The following CPSF6 variants were observed in gnomAD, a reference collection of about 807,000 sequenced individuals.
CPSF6 encodes the protein cleavage and polyadenylation specific factor 6, also known as cleavage and polyadenylation specificity factor subunit 6.
In CPSF6, 10 loss-of-function variants were observed where a neutral mutation model predicts 56.7. The observed-to-expected ratio is 0.18, with a 90% CI of 0.11 to 0.30. The LOEUF is 0.30. Among genes scored for constraint, CPSF6 ranks in the 10% least tolerant of loss-of-function variants. The pLI is 1.00. For missense variants in CPSF6, 419 were observed against 722.9 expected (o/e 0.58, Z 4.82); for synonymous variants, 248 against 244.8 (o/e 1.01, Z -0.12).
chr12:69,257,677 A>G, intron 4 of CPSF6, 55 bp from the exon 5 acceptor site: 14 of 1,522,712 alleles, frequency 9.2e-6, no homozygotes, highest in Non-Finnish European at 1.2e-5. Context: ...TAGTGGTTAC[A>G]TTTCAGAAAA....
Position 69,273,946 on chromosome 12 carries a change from G to C in CPSF6, c.*4438G>C, listed in dbSNP as rs987206432. ...CCCTTAACAACAACAACAAAAAATTGTATCATTTTACCAATATCCACGAAT... is the reference window on the plus strand; with the variant it reads ...CCCTTAACAACAACAACAAAAAATTCTATCATTTTACCAATATCCACGAAT... On this transcript the variant is annotated 3_prime_UTR_variant, in exon 10 of 10. Coordinates refer to ENST00000435070, the MANE Select transcript of CPSF6 (RefSeq NM_007007.3). 1 of 151,788 alleles carries C rather than the reference G, an allele frequency of 6.6e-6. No homozygotes were observed. Among genetic ancestry groups the C allele is most frequent in the Non-Finnish European group, 1.5e-5 (1 of 67,832 alleles). The allele number at this position is 151,788 out of a possible 1,614,324, so 9.4% of individuals were successfully genotyped here.
Position 69,272,663 on chromosome 12 carries a change from A to G in CPSF6, c.*3155A>G, listed in dbSNP as rs1043850423. ...TTTATGTTCTAATTCTTGACTGAGA[A>G]TACAGTATTGAGATTCTCTGTTTTA... On this transcript the variant is annotated 3_prime_UTR_variant, in exon 10 of 10. Transcript: ENST00000435070. 4.6e-5 allele frequency: 7 copies of G among 151,824 alleles called. No individual in the cohort carries two copies. The East Asian group carries it at 1.3e-3, about 29-fold the overall frequency. The allele number at this position is 151,824 out of a possible 1,614,324, so 9.4% of individuals were successfully genotyped here.
At chr12:69,241,078 C>A (rs1871593579) in intron 1 of CPSF6, among the ~76,000 whole-genome samples, 1 of 152,086 alleles carries the variant, frequency 6.6e-6, no homozygotes, top group South Asian at 2.1e-4. Context: ...CTCAAGAGAT[C>A]TTTACTGTTT....
intron 1 of CPSF6, among the ~76,000 whole-genome samples, chr12:69,249,394 C>A (rs1311918163): frequency 3.4e-5 from 5 of 147,792 alleles, no homozygotes. Flanking sequence ...GCTCTGTTTA[C>A]CATCATATAA....
intron 4 of CPSF6, 62 bp from the exon 5 acceptor site, chr12:69,257,670 T>C: frequency 6.9e-7 from 1 of 1,459,080 alleles, no homozygotes; most frequent in Admixed American, 2.2e-5. Flanking sequence ...TTAATAATAG[T>C]GGTTACATTT....
In CPSF6 at chr12:69,254,414, G is replaced by A. The variant is rs529706352; in HGVS notation, c.374+1260G>A. 2.0e-5 allele frequency among the ~76,000 whole-genome samples: 3 copies of A among 152,206 alleles called. No homozygotes were observed. The East Asian group carries it at 5.8e-4, about 29-fold the overall frequency. Reference sequence around the variant, plus strand: ...ACTTTTCCCCCTCAAATATCCACATGGCTTACTCTTTGACTTCATTCAGGA... The same window carrying A: ...ACTTTTCCCCCTCAAATATCCACATAGCTTACTCTTTGACTTCATTCAGGA... On this transcript the variant is annotated intron_variant, in intron 3 of 9. Coordinates refer to ENST00000435070, the MANE Select transcript of CPSF6 (RefSeq NM_007007.3).
chr12:69,261,007 G>A (rs1381125285), intron 8 of CPSF6, among the ~76,000 whole-genome samples: 1 of 152,222 alleles, frequency 6.6e-6, no homozygotes, highest in African/African-American at 2.4e-5. Flanking sequence ...CTGAATGAAT[G>A]AATGATCTAT....
At chr12:69,263,237 T>G (rs1457783928) in intron 9 of CPSF6, among the ~76,000 whole-genome samples, 1 of 152,082 alleles carries the variant, frequency 6.6e-6, no homozygotes, top group Non-Finnish European at 1.5e-5. Context: ...CTAAAAATTT[T>G]AAATTGTGTC....
At chr12:69,268,847 A>G (rs1873115225) in intron 9 of CPSF6, among the ~76,000 whole-genome samples, 1 of 151,786 alleles carries the variant, frequency 6.6e-6, no homozygotes, top group African/African-American at 2.4e-5. Flanking sequence ...TTATAATACT[A>G]CGTTAGGTAT....
chr12:69,248,750 G>A (rs1872045767), intron 1 of CPSF6, among the ~76,000 whole-genome samples: 1 of 151,932 alleles, frequency 6.6e-6, no homozygotes, highest in South Asian at 2.1e-4. Flanking sequence ...ATTTAACCTT[G>A]AGATCCCAGA....
chr12:69,258,685 G>T lies in CPSF6; in HGVS notation c.790G>T (p.Ala264Ser), dbSNP rs748379854. ...PPGQVLPPPLAGPPNRGDRPP... is the reference protein window; with the variant it reads ...PPGQVLPPPLSGPPNRGDRPP... ...TGGTCAGGTTCTGCCTCCTCCTCTAGCTGGGCCTCCTAATCGAGGAGATCG... is the reference window on the plus strand; with the variant it reads ...TGGTCAGGTTCTGCCTCCTCCTCTATCTGGGCCTCCTAATCGAGGAGATCG... Residue 264 changes from alanine (A) to serine (S), a missense_variant, in exon 6 of 10, where the codon GCT becomes TCT. Physicochemically the swap from Ala to Ser is moderately conservative, Grantham distance 99. Around this residue, in one of 4 missense-constraint regions of CPSF6, gnomAD observed 211 missense variants for 296.0 expected, o/e 0.71. Coordinates refer to ENST00000435070, the MANE Select transcript of CPSF6 (RefSeq NM_007007.3). The surrounding 1 kb of genome is among the most constrained non-coding windows in gnomAD (Gnocchi z 4.2). 1 of 1,613,742 alleles carries T rather than the reference G, an allele frequency of 6.2e-7. No individual in the cohort carries two copies. The highest frequency in any genetic ancestry group is 2.2e-5 in the East Asian group (1 of 44,860).
At chr12:69,252,591 G>A (rs1872305103) in intron 2 of CPSF6, among the ~76,000 whole-genome samples, 1 of 152,128 alleles carries the variant, frequency 6.6e-6, no homozygotes, top group African/African-American at 2.4e-5. Flanking sequence ...TAATAATAGT[G>A]CTTATATGGT....
At chr12:69,257,411 T>G (rs1872556707) in intron 4 of CPSF6, among the ~76,000 whole-genome samples, 1 of 152,244 alleles carries the variant, frequency 6.6e-6, no homozygotes, top group African/African-American at 2.4e-5. Flanking sequence ...AGAAGTGTGT[T>G]ACAAAATTTA....
In CPSF6 at chr12:69,272,869, A is replaced by AGTGTGTGT. The variant is rs3051105; in HGVS notation, c.*3382_*3389dup. 0.031 allele frequency: 4,760 copies of AGTGTGTGT among 154,184 alleles called. 89 individuals are homozygous for AGTGTGTGT. Among genetic ancestry groups the AGTGTGTGT allele is most frequent in the Middle Eastern group, 0.075 (23 of 306 alleles). The allele number at this position is 154,184 out of a possible 1,614,324, so 9.6% of individuals were successfully genotyped here. A position where few individuals can be genotyped will look rare whatever the true frequency, so the allele number is the denominator to read the frequency against. On this transcript the variant is annotated 3_prime_UTR_variant, in exon 10 of 10. Coordinates refer to ENST00000435070, the MANE Select transcript of CPSF6 (RefSeq NM_007007.3). ...AAGCATTCTATTTTTCTGTTCTTAC[A>AGTGTGTGT]GTGTGTGTGTGTGTGTGTGTGTGTG...
In CPSF6 at chr12:69,273,270, A is replaced by G. The variant is rs1471775825; in HGVS notation, c.*3762A>G. The G allele has an allele frequency of 9.1e-5, 37 of 407,504 alleles. No individual in the cohort carries two copies. Among genetic ancestry groups the G allele is most frequent in the Middle Eastern group, 3.7e-4 (1 of 2,680 alleles). The allele number at this position is 407,504 out of a possible 1,614,324, so 25.2% of individuals were successfully genotyped here. A position where few individuals can be genotyped will look rare whatever the true frequency, so the allele number is the denominator to read the frequency against. On this transcript the variant is annotated 3_prime_UTR_variant, in exon 10 of 10. Transcript: ENST00000435070. ...GATTGATTTAGGTTTGTCTTAACCA[A>G]TGTTCTTTTTTTAGAATTTCAGGTT...
At chr12:69,262,625 G>A (rs981277804) in intron 9 of CPSF6, 63 bp downstream of exon 9, 1 of 1,521,776 alleles carries the variant, frequency 6.6e-7, no homozygotes, top group African/African-American at 1.4e-5. Flanking sequence ...TAACTCCAAG[G>A]CTACTGTTTA....
intron 1 of CPSF6, among the ~76,000 whole-genome samples, chr12:69,250,783 A>T (rs1872206317): frequency 6.6e-6 from 1 of 151,936 alleles, no homozygotes; most frequent in African/African-American, 2.4e-5. Context: ...AGTAACTGGG[A>T]TTACAGGCGT....
In CPSF6 at chr12:69,258,996, C is replaced by T; in HGVS notation, c.1101C>T (p.Asn367=). ...CAGCTTTCTTTCCTCCACCAACTAA[C>T]AGTGGCATGCCTACATCAGATAGCC... ...VNPAFFPPPT[N]SGMPTSDSRG... is the part of the protein sequence containing the mutation. Residue 367 remains asparagine (N), a synonymous_variant, in exon 6 of 10, where the codon AAC becomes AAT. Transcript: ENST00000435070. This position sits in a 1 kb window ranked among gnomAD's most constrained non-coding sequence, Gnocchi z 4.2. The T allele has an allele frequency of 6.2e-7, 1 of 1,612,588 alleles. No homozygotes were observed. The highest frequency in any genetic ancestry group is 8.5e-7 in the Non-Finnish European group (1 of 1,180,020).
At position 69,260,063 on chromosome 12, in the gene CPSF6, T is replaced by C; in HGVS notation, c.1335T>C (p.Ile445=). 1.2e-6 allele frequency: 2 copies of C among 1,613,206 alleles called. No homozygotes were observed. Among genetic ancestry groups the C allele is most frequent in the South Asian group, 2.2e-5 (2 of 90,882 alleles). The change falls in exon 8 of 10, where the codon ATT becomes ATC. Residue 445 remains isoleucine, a synonymous_variant. Transcript: ENST00000435070. The stretch of plus-strand genomic sequence containing the variant: ...TCACAGGTGATTATGGGAGTGCTAT[T>C]GAGACACTGGTAACTGCAATTTCTT... The part of the protein sequence containing the change: ...DASAGDYGSA[I]ETLVTAISLI...
Sources: allele counts gnomAD v4.1 joint callset (sites outside exome capture counted in the v4.1 genomes callset), GRCh38; gene constraint gnomAD v4.1.1; regional missense constraint gnomAD v4.1.1; non-coding constraint Gnocchi (gnomAD v3.1); transcripts MANE v1.5; gene names NCBI Gene and HGNC (gene_info 2026-07-23, HGNC 2026-07-21).